Variants in TPTE2 observed in about 807,000 individuals in gnomAD.
TPTE2 encodes the protein phosphatidylinositol 3,4,5-trisphosphate 3-phosphatase TPTE2.
A neutral mutation model predicts 78.6 loss-of-function variants in TPTE2; 53 were observed. The observed-to-expected ratio is 0.67, with a 90% CI of 0.54 to 0.85. TPTE2 has a LOEUF of 0.85. Ranked by LOEUF, TPTE2 falls within the 40% of genes least tolerant of loss-of-function variation. TPTE2 has a pLI of 0.00. For missense variants in TPTE2, 461 were observed against 623.0 expected, an observed-to-expected ratio of 0.74 and a Z score of 2.77; for synonymous variants, 175 against 206.2, an observed-to-expected ratio of 0.85 and a Z score of 1.30.
intron 13 of TPTE2, among the ~76,000 whole-genome samples, chr13:19,443,546 G>A (rs1169772251): frequency 1.3e-5 from 2 of 151,940 alleles, no homozygotes; most frequent in Non-Finnish European, 2.9e-5. Flanking sequence ...GGCATTACAG[G>A]CATGTGCCAC....
At chr13:19,557,819 TTC>T in the TPTE2 span, among the ~76,000 whole-genome samples, 1 of 152,196 alleles carries the variant, frequency 6.6e-6, no homozygotes, top group Non-Finnish European at 1.5e-5. Context: ...GAAATAGTTA[TTC>T]TCTTTTTTTT....
chr13:19,428,028 C>CA (rs1876269950), intron 17 of TPTE2, among the ~76,000 whole-genome samples: 1 of 151,938 alleles, frequency 6.6e-6, no homozygotes. Context: ...GTGCAGAATG[C>CA]AAAAATTTCA....
At chr13:19,434,413 G>A (rs946769246) in intron 15 of TPTE2, among the ~76,000 whole-genome samples, 16 of 152,210 alleles carry the variant, frequency 1.1e-4, no homozygotes, top group African/African-American at 3.9e-4. Context: ...CATAGTGGAA[G>A]AGAAGGTTGG....
rs755725468 is a variant in TPTE2, at chr13:19,473,117, C to T, written c.392+797G>A. ...CTTGGGGTTGAGTGACACAAGCACC[C>T]CTGTGGCCACCAATACTGTGACTGC... On this transcript the variant is annotated intron_variant, in intron 6 of 19. Coordinates refer to ENST00000400230, the Ensembl canonical transcript of TPTE2. Among the ~76,000 whole-genome samples, 13 of 152,330 alleles carry T rather than the reference C, an allele frequency of 8.5e-5. No homozygotes were observed. The South Asian group carries it at 1.4e-3, about 17-fold the overall frequency.
At chr13:19,469,880 T>C (rs1593377200) in intron 6 of TPTE2, among the ~76,000 whole-genome samples, 2 of 152,354 alleles carry the variant, frequency 1.3e-5, no homozygotes, top group East Asian at 1.9e-4. Flanking sequence ...TTTTGTATCC[T>C]GCAACTTTAC....
chr13:19,471,803 A>T (rs1879633916), intron 6 of TPTE2, among the ~76,000 whole-genome samples: 1 of 152,156 alleles, frequency 6.6e-6, no homozygotes, highest in South Asian at 2.1e-4. Context: ...ATTGCTCATT[A>T]ATGTCCTTAT....
chr13:19,524,274 T>A (rs961983735), intron 1 of TPTE2, among the ~76,000 whole-genome samples: 8 of 152,212 alleles, frequency 5.3e-5, no homozygotes, highest in Non-Finnish European at 1.0e-4. Flanking sequence ...GGCAGTAGAT[T>A]TTAAAACATT....
intron 1 of TPTE2, among the ~76,000 whole-genome samples, chr13:19,526,637 C>G (rs1297673712): frequency 3.3e-5 from 5 of 152,066 alleles, no homozygotes; most frequent in Non-Finnish European, 5.9e-5. Flanking sequence ...ACCTGAGTGA[C>G]AAAACAATCT....
At chr13:19,538,453 C>T (rs1871333361), upstream of TPTE2, among the ~76,000 whole-genome samples, 2 of 152,244 alleles carry the variant, frequency 1.3e-5, no homozygotes, top group South Asian at 2.1e-4. Flanking sequence ...GTCTCCTGAC[C>T]TCGTGATGTG....
upstream of TPTE2, chr13:19,506,033 G>A (rs1868993255): frequency 6.6e-6 from 1 of 151,526 alleles, no homozygotes; most frequent in Non-Finnish European, 1.5e-5. Flanking sequence ...GGATATGCCT[G>A]ACAGTGAATT....
At chr13:19,523,384 T>G (rs1870302523) in intron 1 of TPTE2, among the ~76,000 whole-genome samples, 2 of 152,236 alleles carry the variant, frequency 1.3e-5, no homozygotes, top group South Asian at 4.1e-4. Flanking sequence ...TGCTTTTATT[T>G]TTCCTAGCTG....
At chr13:19,529,800 C>A (rs1870752537) in intron 1 of TPTE2, among the ~76,000 whole-genome samples, 1 of 152,136 alleles carries the variant, frequency 6.6e-6, no homozygotes, top group Admixed American at 6.6e-5. Context: ...CATTACTTCT[C>A]TCCTCAGTTG....
At chr13:19,555,874 G>A in the TPTE2 span, among the ~76,000 whole-genome samples, 574 of 126,470 alleles carry the variant, frequency 4.5e-3, 6 homozygotes, top group African/African-American at 0.016. Context: ...GTGTAATGGC[G>A]CAATTTTGGC....
chr13:19,464,192 C>G (rs1213422263), intron 10 of TPTE2, among the ~76,000 whole-genome samples: 1 of 152,184 alleles, frequency 6.6e-6, no homozygotes, highest in Admixed American at 6.5e-5. Flanking sequence ...TCTGCAAGCA[C>G]CTGAATTGGA....
chr13:19,544,060 C>CAAAAAAAAA, the TPTE2 span, among the ~76,000 whole-genome samples: 221 of 31,980 alleles, frequency 6.9e-3, 19 homozygotes, highest in Middle Eastern at 0.05. Context: ...GAACCTGTCT[C>CAAAAAAAAA]AAAAAAAAAA....
At chr13:19,488,822 GT>G (rs1880811251) in intron 3 of TPTE2, among the ~76,000 whole-genome samples, 1 of 152,118 alleles carries the variant, frequency 6.6e-6, no homozygotes, top group South Asian at 2.1e-4. Context: ...TCTTCAAGAA[GT>G]TTTTTGGCTT....
chr13:19,536,883 T>C (rs988433983), upstream of TPTE2: 1 of 151,268 alleles, frequency 6.6e-6, no homozygotes, highest in Non-Finnish European at 1.5e-5. Flanking sequence ...ACAATACATA[T>C]ACACAATTAT....
exon 14 of TPTE2, chr13:19,438,129 G>A (rs1162428681): frequency 1.2e-6 from 2 of 1,609,130 alleles, no homozygotes; most frequent in Non-Finnish European, 8.5e-7. Context: ...AATAAGGAGG[G>A]CACAAACCAT....
At chr13:19,482,615 A>T in intron 3 of TPTE2, 68 bp from the exon 7 acceptor site, 1 of 1,570,312 alleles carries the variant, frequency 6.4e-7, no homozygotes, top group Non-Finnish European at 8.7e-7. Context: ...AGTGATGAAA[A>T]ATATATTTGA....
Sources: gnomAD v4.1 joint callset for allele counts (sites outside exome capture counted in the v4.1 genomes callset) on GRCh38, gnomAD v4.1.1 for gene constraint, MANE v1.5 for transcripts, NCBI Gene and HGNC (gene_info 2026-07-23, HGNC 2026-07-21) for gene names.